The following MBP variants were observed in gnomAD, a reference collection of about 807,000 sequenced individuals.
The protein encoded by MBP is myelin basic protein.
In MBP, 16 loss-of-function variants were observed where a neutral mutation model predicts 35.8. The observed-to-expected ratio is 0.45, with a 90% CI of 0.30 to 0.68. MBP has a LOEUF of 0.68. MBP is among the 30% of genes least tolerant of loss of function. The pLI, the probability that MBP is intolerant of heterozygous loss-of-function variation, is 0.08. For synonymous variants in MBP, 143 were observed against 159.6 expected, an observed-to-expected ratio of 0.90 and a Z score of 0.78; for missense variants, 380 against 404.7, an observed-to-expected ratio of 0.94 and a Z score of 0.52.
At chr18:77,054,263 G>A (rs1451111759) in intron 3 of MBP, among the ~76,000 whole-genome samples, 1 of 152,248 alleles carries the variant, frequency 6.6e-6, no homozygotes, top group Non-Finnish European at 1.5e-5. Context: ...GGCCTGCAGA[G>A]CCCACCTGCG....
chr18:77,069,318 T>C (rs1974335077), intron 2 of MBP, among the ~76,000 whole-genome samples: 1 of 152,220 alleles, frequency 6.6e-6, no homozygotes, highest in Non-Finnish European at 1.5e-5. Context: ...AATAAATAAT[T>C]TCCCGATAGT....
chr18:77,053,579 T>C (rs1306249101), intron 3 of MBP, among the ~76,000 whole-genome samples: 1 of 152,080 alleles, frequency 6.6e-6, no homozygotes, highest in Non-Finnish European at 1.5e-5. Context: ...CACACTCTGA[T>C]GCACGAGCTG....
chr18:77,040,923 T>G (rs955307737), intron 3 of MBP, among the ~76,000 whole-genome samples: 5 of 152,026 alleles, frequency 3.3e-5, no homozygotes, highest in Non-Finnish European at 7.4e-5. Context: ...AAGCCAAAAC[T>G]GACAAATGGG....
intron 3 of MBP, among the ~76,000 whole-genome samples, chr18:77,063,004 G>A (rs895045750): frequency 1.3e-5 from 2 of 152,240 alleles, no homozygotes; most frequent in South Asian, 2.1e-4. Flanking sequence ...ACACGATCAC[G>A]GTGACTTGTG....
intron 3 of MBP, among the ~76,000 whole-genome samples, chr18:77,060,404 T>TAATG (rs1157403560): frequency 6.6e-6 from 1 of 150,996 alleles, no homozygotes; most frequent in Non-Finnish European, 1.5e-5. Context: ...AGTAGAGATG[T>TAATG]TAAAGCATCC....
At chr18:77,083,122 T>C (rs1485408373) in intron 2 of MBP, among the ~76,000 whole-genome samples, 1 of 152,086 alleles carries the variant, frequency 6.6e-6, no homozygotes, top group Non-Finnish European at 1.5e-5. Flanking sequence ...CACCATGCCC[T>C]GCTAAGATTT....
At chr18:77,133,054 C>G (rs1010458634), upstream of MBP, among the ~76,000 whole-genome samples, 5 of 152,142 alleles carry the variant, frequency 3.3e-5, no homozygotes, top group African/African-American at 7.2e-5. Flanking sequence ...AACTGCGGCC[C>G]GTCGACCCTT....
At chr18:77,048,637 T>G (rs1973356037) in intron 3 of MBP, among the ~76,000 whole-genome samples, 1 of 152,002 alleles carries the variant, frequency 6.6e-6, no homozygotes, top group Non-Finnish European at 1.5e-5. Flanking sequence ...CTAATTTTTG[T>G]ATTTTTAGTT....
chr18:77,099,138 C>A (rs1369422150), intron 2 of MBP, among the ~76,000 whole-genome samples: 1 of 152,158 alleles, frequency 6.6e-6, no homozygotes, highest in African/African-American at 2.4e-5. Context: ...TTTTTTCTGA[C>A]TTCTTTAGAA....
At chr18:77,089,857 T>C (rs995310220) in intron 2 of MBP, among the ~76,000 whole-genome samples, 1 of 152,366 alleles carries the variant, frequency 6.6e-6, no homozygotes, top group South Asian at 2.1e-4. Flanking sequence ...CTTCTTGCCC[T>C]AGCTCCTAGG....
chr18:76,995,009 T>C (rs761005352), intron 4 of MBP, among the ~76,000 whole-genome samples: 17 of 152,222 alleles, frequency 1.1e-4, no homozygotes, highest in Non-Finnish European at 2.1e-4. Flanking sequence ...ATAGTTGTAA[T>C]GACCTATCAC....
At chr18:76,997,735 T>G (rs999830158) in intron 4 of MBP, among the ~76,000 whole-genome samples, 3 of 149,124 alleles carry the variant, frequency 2.0e-5, no homozygotes, top group South Asian at 2.1e-4. Flanking sequence ...CAGGCTGGAG[T>G]GCAGTGGCGC....
chr18:77,087,864 C>T (rs891330472), intron 2 of MBP, among the ~76,000 whole-genome samples: 9 of 152,110 alleles, frequency 5.9e-5, no homozygotes, highest in African/African-American at 1.9e-4. Flanking sequence ...CCCACTTGCG[C>T]GCTCCTGCTG....
chr18:77,104,588 C>T (rs138702036), intron 2 of MBP, among the ~76,000 whole-genome samples: 1,877 of 152,138 alleles, frequency 0.012, 22 homozygotes, highest in Middle Eastern at 0.024. Flanking sequence ...GTGGGACCTT[C>T]GTAGATGGAA....
At chr18:77,046,736 C>T (rs1432260709) in intron 3 of MBP, among the ~76,000 whole-genome samples, 3 of 152,238 alleles carry the variant, frequency 2.0e-5, no homozygotes, top group Admixed American at 6.5e-5. Flanking sequence ...TCCAAAGACT[C>T]GGTCCTTGTT....
chr18:77,015,270 T>C (rs1011171097), intron 4 of MBP: 20 of 985,332 alleles, frequency 2.0e-5, no homozygotes, highest in Non-Finnish European at 2.3e-5. Flanking sequence ...AGTACATTTT[T>C]TTTTTCTGTA....
rs184351809 is a variant in MBP at position 77,048,983 on chromosome 18, G to A, written c.139+17315C>T. On this transcript the variant is annotated intron_variant, in intron 3 of 8. Coordinates refer to ENST00000355994, the MANE Select transcript of MBP (RefSeq NM_001025101.2). ...CACCCAGGCTGGAGTGCAGTGGCAT[G>A]GTGTCAGCTCACTGCCAGCTCCGCC... Among the ~76,000 whole-genome samples the A allele has an allele frequency of 4.6e-5, 7 of 151,702 alleles. No homozygotes were observed. The East Asian group carries it at 5.9e-4, about 13-fold the overall frequency.
At chr18:77,068,021 G>A (rs1974272033) in intron 2 of MBP, among the ~76,000 whole-genome samples, 1 of 151,382 alleles carries the variant, frequency 6.6e-6, no homozygotes, top group Admixed American at 6.6e-5. Flanking sequence ...CATCCCGTGT[G>A]TGTGTGTGTG....
rs145987357 is a variant in MBP at position 77,016,918 on chromosome 18, G to A, written c.490C>T (p.Pro164Ser). 3.1e-4 allele frequency: 499 copies of A among 1,614,226 alleles called. No individual in the cohort carries two copies. The highest frequency in any genetic ancestry group is 4.2e-4 in the Non-Finnish European group (490 of 1,180,044). The change falls in exon 4 of 9, where the codon CCA becomes TCA. Residue 164 changes from proline (P) to serine (S), a missense_variant. Transcript: ENST00000355994. Reference protein sequence around the residue: ...TMDHARHGFLPRHRDTGILDS... With the variant: ...TMDHARHGFLSRHRDTGILDS... ...AGGATGCCCGTGTCTCTGTGCCTTG[G>A]GAGGAAGCCATGCCTGGCATGGTCC...
Sources: allele counts gnomAD v4.1 joint callset (sites outside exome capture counted in the v4.1 genomes callset), GRCh38; gene constraint gnomAD v4.1.1; transcripts MANE v1.5; gene names NCBI Gene and HGNC (gene_info 2026-07-23, HGNC 2026-07-21).